FHIP1A: variants seen among roughly 807,000 people sequenced by gnomAD.
FHIP1A encodes the protein FHF complex subunit HOOK-interacting protein 1A.
Under a neutral mutation model 88.6 loss-of-function variants are expected in FHIP1A, and 61 were observed. The observed-to-expected ratio is 0.69, with a 90% CI of 0.56 to 0.85. The LOEUF (loss-of-function observed/expected upper bound fraction) is 0.85, where lower values mean the gene tolerates loss of function less well. Among genes scored for constraint, FHIP1A ranks in the 40% least tolerant of loss-of-function variants. The pLI is 0.00. For missense variants in FHIP1A, 1,154 were observed against 1,273.5 expected (o/e 0.91, Z 1.43); for synonymous variants, 478 against 496.0 (o/e 0.96, Z 0.48).
At chr4:151,648,114 G>A (rs981977712) in intron 10 of FHIP1A, among the ~76,000 whole-genome samples, 1 of 152,132 alleles carries the variant, frequency 6.6e-6, no homozygotes, top group Non-Finnish European at 1.5e-5. Context: ...ATTACTGTCC[G>A]GGGTAAATAA....
At chr4:151,622,187 G>T (rs1167157656) in intron 7 of FHIP1A, among the ~76,000 whole-genome samples, 1 of 152,208 alleles carries the variant, frequency 6.6e-6, no homozygotes, top group Non-Finnish European at 1.5e-5. Flanking sequence ...GCCTAGAAAA[G>T]GGGAGTCTGA....
intron 3 of FHIP1A, among the ~76,000 whole-genome samples, chr4:151,541,002 A>G (rs1709781071): frequency 6.6e-6 from 1 of 152,216 alleles, no homozygotes; most frequent in African/African-American, 2.4e-5. Context: ...CTTTTTGAGT[A>G]TGTACGTACC....
At position 151,539,614 on chromosome 4, in the gene FHIP1A, A is replaced by G. The variant is rs17027671; in HGVS notation, c.-122-26524A>G. ...CAGTGGACGTTCTCTTAACCAATCT[A>G]TGTGGTTCCCTGGTTTACCAGTGCT... is the stretch of plus-strand genomic sequence containing the variant. On this transcript the variant is annotated intron_variant, in intron 3 of 13. Coordinates refer to ENST00000435205, the MANE Select transcript of FHIP1A (RefSeq NM_001109977.3). Among the ~76,000 whole-genome samples, 900 of 149,992 alleles carry G rather than the reference A, an allele frequency of 6.0e-3. 5 individuals are homozygous for G. Among genetic ancestry groups the G allele is most frequent in the African/African-American group, 0.019 (757 of 40,776 alleles).
Position 151,503,098 on chromosome 4 carries a change from C to T in FHIP1A, c.-123+20450C>T, listed in dbSNP as rs145367750. ...TTCAGTTGCTCACCACTTGCGGAGT[C>T]TAATTAACAAGAGAGAGGTCTAGTA... is the stretch of plus-strand genomic sequence containing the variant. On this transcript the variant is annotated intron_variant, in intron 3 of 13. Transcript: ENST00000435205. Among the ~76,000 whole-genome samples, 195 of 152,304 alleles carry T rather than the reference C, an allele frequency of 1.3e-3. 1 individual carries two copies. Among genetic ancestry groups the T allele is most frequent in the African/African-American group, 4.6e-3 (192 of 41,560 alleles).
At chr4:151,584,609 G>A (rs1291652189) in intron 5 of FHIP1A, among the ~76,000 whole-genome samples, 1 of 152,028 alleles carries the variant, frequency 6.6e-6, no homozygotes, top group Non-Finnish European at 1.5e-5. Flanking sequence ...CTAGCCCAGA[G>A]CTCTCTTTTA....
chr4:151,525,695 G>T (rs1731602314), intron 3 of FHIP1A, among the ~76,000 whole-genome samples: 1 of 149,534 alleles, frequency 6.7e-6, no homozygotes, highest in Non-Finnish European at 1.5e-5. Flanking sequence ...AAACAATTTA[G>T]ATCTGTAGTG....
chr4:151,423,022 A>G (rs1390635968), intron 1 of FHIP1A, among the ~76,000 whole-genome samples: 2 of 152,224 alleles, frequency 1.3e-5, no homozygotes, highest in Non-Finnish European at 2.9e-5. Flanking sequence ...AATAACTATT[A>G]GTGTCTAATG....
chr4:151,412,579 C>T (rs11947188), intron 1 of FHIP1A, among the ~76,000 whole-genome samples: 2 of 79,280 alleles, frequency 2.5e-5, no homozygotes, highest in Non-Finnish European at 5.4e-5. Flanking sequence ...TCTTTCTTTC[C>T]TTTCTTTCCT....
chr4:151,445,098 G>T (rs1339912018), intron 1 of FHIP1A, among the ~76,000 whole-genome samples: 1 of 152,120 alleles, frequency 6.6e-6, no homozygotes, highest in Non-Finnish European at 1.5e-5. Flanking sequence ...ACAAATTGGA[G>T]GTTCTCATGA....
intron 1 of FHIP1A, among the ~76,000 whole-genome samples, chr4:151,417,940 T>C (rs1331473682): frequency 6.6e-6 from 1 of 151,530 alleles, no homozygotes; most frequent in Non-Finnish European, 1.5e-5. Context: ...CAGGCAGAGG[T>C]AGGAAGATTG....
At position 151,588,920 on chromosome 4, in the gene FHIP1A, C is replaced by G. The variant is rs1469122781; in HGVS notation, c.972C>G (p.Leu324=). Reference sequence around the variant, plus strand: ...TGGTACCAGTCTTGGCTCCTGCTCTCCATAAGGTCAGTGATTGGCTCATGT... The same window carrying G: ...TGGTACCAGTCTTGGCTCCTGCTCTGCATAAGGTCAGTGATTGGCTCATGT... ...GFLVPVLAPA[L]HKVTVEEVMT... is the part of the protein sequence containing the mutation. Residue 324 remains leucine (L), a synonymous_variant, in exon 7 of 14, where the codon CTC becomes CTG. Transcript: ENST00000435205. 4.5e-6 allele frequency: 7 copies of G among 1,541,778 alleles called. No homozygotes were observed. The highest frequency in any genetic ancestry group is 6.2e-6 in the Non-Finnish European group (7 of 1,138,130).
intron 7 of FHIP1A, among the ~76,000 whole-genome samples, chr4:151,605,271 T>A (rs1004969319): frequency 2.0e-5 from 3 of 152,178 alleles, no homozygotes; most frequent in Non-Finnish European, 2.9e-5. Context: ...TGCTCCTTTT[T>A]AAAAAGAGAT....
At chr4:151,544,293 A>G (rs915297578) in intron 3 of FHIP1A, among the ~76,000 whole-genome samples, 2 of 152,190 alleles carry the variant, frequency 1.3e-5, no homozygotes, top group Admixed American at 6.5e-5. Flanking sequence ...TGTTTTCACT[A>G]TGTCACATTG....
chr4:151,526,612 G>A (rs1265601913), intron 3 of FHIP1A, among the ~76,000 whole-genome samples: 9 of 147,886 alleles, frequency 6.1e-5, no homozygotes, highest in East Asian at 2.1e-4. Flanking sequence ...CGGGCGAGGG[G>A]CTGATCCCCC....
intron 11 of FHIP1A, 89 bp downstream of exon 11, chr4:151,650,681 ATAT>A: frequency 6.9e-7 from 1 of 1,444,674 alleles, no homozygotes; most frequent in Non-Finnish European, 9.1e-7. Flanking sequence ...AAGGTAAGGG[ATAT>A]TATCGGTTTG....
In FHIP1A at chr4:151,667,642, T is replaced by C. The variant is rs1737712418; in HGVS notation, c.*4888T>C. Among the ~76,000 whole-genome samples, 1 of 152,156 alleles carries C rather than the reference T, an allele frequency of 6.6e-6. No individual in the cohort carries two copies. The highest frequency in any genetic ancestry group is 2.4e-5 in the African/African-American group (1 of 41,452). On this transcript the variant is annotated 3_prime_UTR_variant, in exon 14 of 14. Transcript: ENST00000435205. ...ACCAGGAGAAGGTGGGTGGAAGCCT[T>C]CAGTTCTTTGACCTCTTGCACGTAG...
At chr4:151,450,223 AAAAAGT>A (rs1331117500) in intron 1 of FHIP1A, among the ~76,000 whole-genome samples, 1 of 152,168 alleles carries the variant, frequency 6.6e-6, no homozygotes, top group Non-Finnish European at 1.5e-5. Context: ...TGTATAAAAT[AAAAAGT>A]AAAACTGAAA....
At chr4:151,561,627 G>C (rs900010969) in intron 3 of FHIP1A, among the ~76,000 whole-genome samples, 2 of 152,250 alleles carry the variant, frequency 1.3e-5, no homozygotes, top group Non-Finnish European at 2.9e-5. Context: ...AATTTTACAT[G>C]ATAAGCACAT....
chr4:151,459,803 A>C (rs1296284613), intron 2 of FHIP1A, among the ~76,000 whole-genome samples: 1 of 152,216 alleles, frequency 6.6e-6, no homozygotes, highest in African/African-American at 2.4e-5. Context: ...AATGGCTTTA[A>C]GTGTTAATAC....
Sources: allele counts gnomAD v4.1 joint callset (sites outside exome capture counted in the v4.1 genomes callset), GRCh38; gene constraint gnomAD v4.1.1; transcripts MANE v1.5; gene names NCBI Gene and HGNC (gene_info 2026-07-23, HGNC 2026-07-21).